FAM20C: variants seen among roughly 807,000 people sequenced by gnomAD.
The protein encoded by FAM20C is extracellular serine/threonine protein kinase FAM20C.
Under a neutral mutation model 51.5 loss-of-function variants are expected in FAM20C, and 40 were observed. The observed-to-expected ratio is 0.78, with a 90% confidence interval of 0.60 to 1.01. The LOEUF (loss-of-function observed/expected upper bound fraction) is 1.01. Among genes scored for constraint, FAM20C ranks in the 50% least tolerant of loss-of-function variants. FAM20C has a pLI of 0.00. For missense variants in FAM20C, 861 were observed against 844.7 expected (o/e 1.02, Z -0.24); for synonymous variants, 406 against 380.6 (o/e 1.07, Z -0.78).
At chr7:229,178 A>G (rs1448896653) in intron 3 of FAM20C, 2 of 270,832 alleles carry the variant, frequency 7.4e-6, no homozygotes, top group African/African-American at 4.4e-5. Context: ...TGTGTGAAAT[A>G]GGCGGATTGT....
In FAM20C at chr7:260,054, G is replaced by A. The variant is rs575403735; in HGVS notation, c.*74G>A. The A allele has an allele frequency of 2.9e-5, 41 of 1,422,772 alleles. 1 individual carries two copies. Among genetic ancestry groups the A allele is most frequent in the South Asian group, 1.8e-4 (12 of 66,390 alleles). The allele number at this position is 1,422,772 out of a possible 1,614,324, so 88.1% of individuals were successfully genotyped here. ...CTCCCAGCAAGCGCATGCGCCCGTC[G>A]TGAATTCAGTGAATTCAGAGGCAGG... On this transcript the variant is annotated 3_prime_UTR_variant, in exon 10 of 10. Transcript: ENST00000313766.
rs780125740 is a variant in FAM20C at position 195,662 on chromosome 7, G to T, written c.714G>T (p.Leu238=). The change falls in exon 2 of 10, where the codon CTG becomes CTT. Residue 238 remains leucine, a synonymous_variant. Transcript: ENST00000313766. ...ACATTGGTATCAACCGGTACGAGCT[G>T]TACTCCAGACACAACCCGGCCATCG... ...KFHIGINRYE[L]YSRHNPAIEA... The T allele has an allele frequency of 1.9e-6, 3 of 1,610,880 alleles. No homozygotes were observed. In the African/African-American group the frequency reaches 4.0e-5, roughly 22 times the overall value.
intron 2 of FAM20C, among the ~76,000 whole-genome samples, chr7:200,084 C>T (rs933651161): frequency 1.1e-4 from 16 of 152,218 alleles, no homozygotes; most frequent in Non-Finnish European, 4.4e-5. Flanking sequence ...CTTCAAGGAA[C>T]AAAGGGCTTC....
At chr7:220,460 G>A (rs28425712) in intron 3 of FAM20C, among the ~76,000 whole-genome samples, 40,340 of 152,094 alleles carry the variant, frequency 0.27, 5,422 homozygotes, top group Admixed American at 0.34. Context: ...TTCAGAGAGG[G>A]GTGATGCGTG....
At chr7:236,870 C>T (rs920857742) in intron 3 of FAM20C, among the ~76,000 whole-genome samples, 13,250 of 151,254 alleles carry the variant, frequency 0.088, 713 homozygotes, top group Non-Finnish European at 0.1. Flanking sequence ...TCTGGGGTCC[C>T]GGTGGCTGTC....
At chr7:256,963 C>G in intron 7 of FAM20C, 42 bp from the exon 8 acceptor site, 1 of 1,533,004 alleles carries the variant, frequency 6.5e-7, no homozygotes, top group Non-Finnish European at 8.7e-7. Flanking sequence ...CTACGTGGCC[C>G]GGCTCCCCAC....
intron 3 of FAM20C, among the ~76,000 whole-genome samples, chr7:220,648 A>C (rs1787220113): frequency 6.6e-6 from 1 of 152,170 alleles, no homozygotes; most frequent in South Asian, 2.1e-4. Context: ...GGTCGGCAGC[A>C]GGGGGCGGTC....
intron 1 of FAM20C, among the ~76,000 whole-genome samples, chr7:194,385 A>C (rs967799882): frequency 2.6e-5 from 4 of 151,994 alleles, no homozygotes; most frequent in Non-Finnish European, 5.9e-5. Flanking sequence ...ACCTCTCTTT[A>C]AACTGTCCTG....
intron 7 of FAM20C, 78 bp from the exon 8 acceptor site, chr7:256,927 C>A: frequency 1.3e-6 from 2 of 1,485,380 alleles, no homozygotes; most frequent in Non-Finnish European, 1.8e-6. Flanking sequence ...GGAGACGCCG[C>A]TCTGCAGAGC....
At chr7:245,380 T>TGGGCCTGGCATG (rs1191190166) in intron 3 of FAM20C, among the ~76,000 whole-genome samples, 2 of 152,178 alleles carry the variant, frequency 1.3e-5, no homozygotes, top group Non-Finnish European at 2.9e-5. Flanking sequence ...GTTCCCTCCC[T>TGGGCCTGGCATG]GGGCCTGGCA....
chr7:218,738 G>A (rs1040358069), intron 3 of FAM20C, among the ~76,000 whole-genome samples: 1 of 152,238 alleles, frequency 6.6e-6, no homozygotes. Flanking sequence ...AGGTGGGAGA[G>A]GTGACAGGAG....
intron 3 of FAM20C, among the ~76,000 whole-genome samples, chr7:216,953 C>T (rs1787011485): frequency 6.6e-6 from 1 of 152,100 alleles, no homozygotes; most frequent in South Asian, 2.1e-4. Context: ...GAATTAAAGG[C>T]AGGAGCGGGG....
At chr7:244,863 A>C (rs140684570) in intron 3 of FAM20C, among the ~76,000 whole-genome samples, 70,053 of 152,084 alleles carry the variant, frequency 0.46, 16,363 homozygotes, top group Non-Finnish European at 0.49. Context: ...ACTAGTTCTT[A>C]AAAAGGCCGT....
intron 4 of FAM20C, among the ~76,000 whole-genome samples, chr7:247,793 G>A (rs1199050658): frequency 6.6e-6 from 1 of 152,200 alleles, no homozygotes; most frequent in African/African-American, 2.4e-5. Context: ...GGGGGAGGGT[G>A]CTCCACGCAG....
intron 2 of FAM20C, among the ~76,000 whole-genome samples, chr7:204,939 T>G (rs1167930905): frequency 6.6e-6 from 1 of 152,024 alleles, no homozygotes. Context: ...GTGGCACTCT[T>G]GTGGCCCTTG....
intron 4 of FAM20C, among the ~76,000 whole-genome samples, chr7:246,712 C>T (rs570900007): frequency 2.7e-5 from 4 of 149,194 alleles, no homozygotes; most frequent in South Asian, 4.3e-4. Context: ...CATCAGGCAG[C>T]GCCGGTGCCT....
chr7:251,519 C>T (rs1484495228), intron 5 of FAM20C, among the ~76,000 whole-genome samples: 3 of 137,336 alleles, frequency 2.2e-5, no homozygotes, highest in African/African-American at 8.1e-5. Context: ...GACCCCGTCT[C>T]AAAAAAAAAA....
At chr7:205,824 G>A (rs976717849) in intron 2 of FAM20C, among the ~76,000 whole-genome samples, 3 of 151,994 alleles carry the variant, frequency 2.0e-5, no homozygotes, top group African/African-American at 4.8e-5. Context: ...AAGCATCCAC[G>A]GCACCCCCAG....
chr7:213,411 G>T (rs961838259), intron 3 of FAM20C, among the ~76,000 whole-genome samples: 2 of 152,250 alleles, frequency 1.3e-5, no homozygotes, highest in East Asian at 3.8e-4. Context: ...AGTCCTTTGT[G>T]AGTGACACGT....
Sources: allele counts gnomAD v4.1 joint callset (sites outside exome capture counted in the v4.1 genomes callset), GRCh38; gene constraint gnomAD v4.1.1; transcripts MANE v1.5; gene names NCBI Gene and HGNC (gene_info 2026-07-23, HGNC 2026-07-21).